LRP1: variants seen among roughly 807,000 people sequenced by gnomAD.
The protein encoded by LRP1 is LDL receptor related protein 1.
In LRP1, 51 loss-of-function variants were observed where a neutral mutation model predicts 541.5. The observed-to-expected ratio is 0.09, with a 90% CI of 0.08 to 0.12. The LOEUF (loss-of-function observed/expected upper bound fraction) is 0.12, where lower values mean the gene tolerates loss of function less well. Among genes scored for constraint, LRP1 ranks in the 10% least tolerant of loss-of-function variants. The pLI, the probability that LRP1 is intolerant of heterozygous loss-of-function variation, is 1.00. For missense variants in LRP1, 3,878 were observed against 6,376.2 expected, an observed-to-expected ratio of 0.61 and a Z score of 13.34; for synonymous variants, 2,219 against 2,470.8, an observed-to-expected ratio of 0.90 and a Z score of 3.02.
chr12:57,128,835 A>C lies in LRP1; in HGVS notation c.-130A>C. The C allele has an allele frequency of 1.3e-6, 1 of 785,568 alleles. No individual in the cohort carries two copies. The highest frequency in any genetic ancestry group is 2.8e-5 in the Admixed American group (1 of 35,474). The allele number at this position is 785,568 out of a possible 1,614,324, so 48.7% of individuals were successfully genotyped here. A position where few individuals can be genotyped will look rare whatever the true frequency, so the allele number is the denominator to read the frequency against. Reference sequence around the variant, plus strand: ...CCCACGCCCCTGGTGCGCTTTGCCGAAGGAAAGAATAAGAACAGAGAAGGA... The same window carrying C: ...CCCACGCCCCTGGTGCGCTTTGCCGCAGGAAAGAATAAGAACAGAGAAGGA... On this transcript the variant is annotated 5_prime_UTR_variant, in exon 1 of 89. Coordinates refer to ENST00000243077, the MANE Select transcript of LRP1 (RefSeq NM_002332.3).
chr12:57,177,327 C>T lies in LRP1; in HGVS notation c.4196+82C>T. 1.3e-6 allele frequency: 2 copies of T among 1,568,194 alleles called. No homozygotes were observed. The highest frequency in any genetic ancestry group is 1.7e-6 in the Non-Finnish European group (2 of 1,147,040). On this transcript the variant is annotated intron_variant, in intron 25 of 88. Transcript: ENST00000243077. The surrounding 1 kb of genome is among the most constrained non-coding windows in gnomAD (Gnocchi z 6.8). ...GCCTGGCCAGGGACACCTTACTCCT[C>T]AGTGCCATCTGCCTCCTCCCACCCT... is the stretch of plus-strand genomic sequence containing the variant.
intron 63 of LRP1, 27 bp from the exon 64 acceptor site, chr12:57,200,672 C>G: frequency 6.2e-7 from 1 of 1,602,464 alleles, no homozygotes; most frequent in South Asian, 1.1e-5. Context: ...CCCAGCCGCT[C>G]TGACTCTGAG....
intron 20 of LRP1, among the ~76,000 whole-genome samples, chr12:57,171,532 G>A (rs2035944158): frequency 6.6e-6 from 1 of 152,192 alleles, no homozygotes; most frequent in Admixed American, 6.5e-5. Context: ...GATGATGACA[G>A]CAGGTGTAAA....
intron 11 of LRP1, 139 bp from the exon 12 acceptor site, chr12:57,159,686 C>A (rs537890444): frequency 5.7e-6 from 4 of 705,614 alleles, no homozygotes; most frequent in South Asian, 5.6e-5. Flanking sequence ...CCCCACCCAT[C>A]TGTCTAGGGC....
chr12:57,202,772 CT>C, intron 68 of LRP1: 1 of 593,106 alleles, frequency 1.7e-6, no homozygotes. Context: ...AGGTAGGTGT[CT>C]CTGATGTGCC....
At chr12:57,137,117 T>C (rs933439723) in intron 1 of LRP1, among the ~76,000 whole-genome samples, 1 of 151,944 alleles carries the variant, frequency 6.6e-6, no homozygotes, top group African/African-American at 2.4e-5. Context: ...GGCGCATGCC[T>C]GTAATCCCAG....
At position 57,180,331 on chromosome 12, in the gene LRP1, C is replaced by T; in HGVS notation, c.5238C>T (p.Gly1746=). Residue 1746 remains glycine (G), a splice_region_variant and synonymous_variant, in exon 32 of 89, where the codon GGC becomes GGT. Transcript: ENST00000243077. ...LLFSGQKGPV[G]LAIDFPESKL... is the part of the protein sequence containing the mutation. ...CGGCAGTGACTCCCCCTTTTCCAGG[C>T]CTGGCTATTGACTTCCCTGAAAGCA... is the stretch of plus-strand genomic sequence containing the variant. 6.2e-7 allele frequency: 1 copy of T among 1,613,984 alleles called. No individual in the cohort carries two copies. The highest frequency in any genetic ancestry group is 8.5e-7 in the Non-Finnish European group (1 of 1,179,932).
chr12:57,203,692 A>G, intron 70 of LRP1, 171 bp downstream of exon 70: 1 of 864,378 alleles, frequency 1.2e-6, no homozygotes. Flanking sequence ...ACGTAGTAGT[A>G]AACAAGACAC....
At position 57,211,827 on chromosome 12, in the gene LRP1, G is replaced by C. The variant is rs1245339293; in HGVS notation, c.13258+13G>C. The C allele has an allele frequency of 6.2e-7, 1 of 1,612,768 alleles. No individual in the cohort carries two copies. The highest frequency in any genetic ancestry group is 8.5e-7 in the Non-Finnish European group (1 of 1,179,988). On this transcript the variant is annotated intron_variant, in intron 86 of 88. Transcript: ENST00000243077. The surrounding 1 kb of genome is among the most constrained non-coding windows in gnomAD (Gnocchi z 4.3). The stretch of plus-strand genomic sequence containing the variant: ...CAGCAGCCAGGACGTAGGTGGCAGG[G>C]GTTGGGGCAGGCAGGGCCACCGGGA...
rs577764836 is a variant in LRP1, at chr12:57,208,310, C to T, written c.12038+94C>T. 19 of 1,326,604 alleles carry T rather than the reference C, an allele frequency of 1.4e-5. No homozygotes were observed. The African/African-American group carries it at 2.8e-4, about 19-fold the overall frequency. The allele number at this position is 1,326,604 out of a possible 1,614,324, so 82.2% of individuals were successfully genotyped here. A position where few individuals can be genotyped will look rare whatever the true frequency, so the allele number is the denominator to read the frequency against. ...TGCACCCACATGCGTGCCCTTCCCTCCCAGGCCAGCCTGAGGACAGAGTCC... is the reference window on the plus strand; with the variant it reads ...TGCACCCACATGCGTGCCCTTCCCTTCCAGGCCAGCCTGAGGACAGAGTCC... On this transcript the variant is annotated intron_variant, in intron 77 of 88. Coordinates refer to ENST00000243077, the MANE Select transcript of LRP1 (RefSeq NM_002332.3).
At chr12:57,144,921 G>A (rs1259421570) in intron 4 of LRP1, 51 bp from the exon 5 acceptor site, 22 of 1,583,492 alleles carry the variant, frequency 1.4e-5, no homozygotes, top group South Asian at 2.2e-5. Flanking sequence ...CACCCACTTC[G>A]TTGCCCTTGT....
chr12:57,165,635 G>T lies in LRP1; in HGVS notation c.2531-170G>T. 4 of 636,044 alleles carry T rather than the reference G, an allele frequency of 6.3e-6. No homozygotes were observed. Among genetic ancestry groups the T allele is most frequent in the Non-Finnish European group, 1.1e-5 (4 of 370,370 alleles). The allele number at this position is 636,044 out of a possible 1,614,324, so 39.4% of individuals were successfully genotyped here. A position where few individuals can be genotyped will look rare whatever the true frequency, so the allele number is the denominator to read the frequency against. ...AACATCACTATTGTTGCTTGGGAAA[G>T]AATTGCAGTTTCCATCCAGATAATT... On this transcript the variant is annotated intron_variant, in intron 15 of 88. Transcript: ENST00000243077. This position sits in a 1 kb window ranked among gnomAD's most constrained non-coding sequence, Gnocchi z 4.5.
chr12:57,156,412 C>T lies in LRP1; in HGVS notation c.1417+129C>T, dbSNP rs2035621158. The stretch of plus-strand genomic sequence containing the variant: ...CTTCTTTCATGTCATGACCGATTCT[C>T]CTAGCCAGCCACTCGGGCTACCTGC... On this transcript the variant is annotated intron_variant, in intron 9 of 88. Coordinates refer to ENST00000243077, the MANE Select transcript of LRP1 (RefSeq NM_002332.3). This position sits in a 1 kb window ranked among gnomAD's most constrained non-coding sequence, Gnocchi z 5.2. 1.0e-6 allele frequency: 1 copy of T among 988,308 alleles called. No individual in the cohort carries two copies. The highest frequency in any genetic ancestry group is 1.6e-5 in the African/African-American group (1 of 61,160). The allele number at this position is 988,308 out of a possible 1,614,324, so 61.2% of individuals were successfully genotyped here.
intron 6 of LRP1, among the ~76,000 whole-genome samples, chr12:57,147,182 G>T (rs1726680198): frequency 1.3e-5 from 2 of 152,016 alleles, no homozygotes; most frequent in African/African-American, 4.8e-5. Flanking sequence ...TGGGGTAAAT[G>T]AGTGGGTTTC....
rs534192855 is a variant in LRP1, at chr12:57,184,520, G to A, written c.6186+68G>A. The A allele has an allele frequency of 6.3e-7, 1 of 1,598,256 alleles. No individual in the cohort carries two copies. Among genetic ancestry groups the A allele is most frequent in the East Asian group, 2.2e-5 (1 of 44,474 alleles). On this transcript the variant is annotated intron_variant, in intron 38 of 88. Coordinates refer to ENST00000243077, the MANE Select transcript of LRP1 (RefSeq NM_002332.3). This position sits in a 1 kb window ranked among gnomAD's most constrained non-coding sequence, Gnocchi z 7.8. ...GACCCAGGCTCCTGTTCCCTGTGATGAGCCCATTCTGGGAGGACTTGGAGC... is the reference window on the plus strand; with the variant it reads ...GACCCAGGCTCCTGTTCCCTGTGATAAGCCCATTCTGGGAGGACTTGGAGC...
chr12:57,183,307 T>C lies in LRP1; in HGVS notation c.5663-72T>C. 6.7e-7 allele frequency: 1 copy of C among 1,498,210 alleles called. No individual in the cohort carries two copies. The allele number at this position is 1,498,210 out of a possible 1,614,324, so 92.8% of individuals were successfully genotyped here. A position where few individuals can be genotyped will look rare whatever the true frequency, so the allele number is the denominator to read the frequency against. ...ATATCAAAGGAGAAGCAGAGAACAG[T>C]TGGAGGGTGACAGGAACCAAGTTTA... is the stretch of plus-strand genomic sequence containing the variant. On this transcript the variant is annotated intron_variant, in intron 34 of 88. Transcript: ENST00000243077. This position sits in a 1 kb window ranked among gnomAD's most constrained non-coding sequence, Gnocchi z 6.1.
Position 57,197,806 on chromosome 12 carries a change from C to A in LRP1, c.9282+142C>A. On this transcript the variant is annotated intron_variant, in intron 58 of 88. Coordinates refer to ENST00000243077, the MANE Select transcript of LRP1 (RefSeq NM_002332.3). The surrounding 1 kb of genome is among the most constrained non-coding windows in gnomAD (Gnocchi z 4.5). ...TATATGACTGCTTGTTCTAGCTGCTCACTCTCCTCTGGGCCCAGACAGCAA... is the reference window on the plus strand; with the variant it reads ...TATATGACTGCTTGTTCTAGCTGCTAACTCTCCTCTGGGCCCAGACAGCAA... The A allele has an allele frequency of 2.0e-6, 2 of 979,156 alleles. No individual in the cohort carries two copies. The highest frequency in any genetic ancestry group is 3.0e-6 in the Non-Finnish European group (2 of 675,786). The allele number at this position is 979,156 out of a possible 1,614,324, so 60.7% of individuals were successfully genotyped here. A position where few individuals can be genotyped will look rare whatever the true frequency, so the allele number is the denominator to read the frequency against.
In LRP1 at chr12:57,211,156, C is replaced by G. The variant is rs759355735; in HGVS notation, c.12917-20C>G. On this transcript the variant is annotated intron_variant, in intron 83 of 88. Coordinates refer to ENST00000243077, the MANE Select transcript of LRP1 (RefSeq NM_002332.3). The surrounding 1 kb of genome is among the most constrained non-coding windows in gnomAD (Gnocchi z 4.3). The stretch of plus-strand genomic sequence containing the variant: ...CATGAGGGTGGGGCTTGAGGCACTT[C>G]TCTCCCTCCCCAACCACAGGGCAGT... The G allele has an allele frequency of 1.9e-6, 3 of 1,611,768 alleles. No individual in the cohort carries two copies. The highest frequency in any genetic ancestry group is 1.1e-5 in the South Asian group (1 of 91,004).
At chr12:57,187,871 T>G (rs2136714623) in intron 42 of LRP1, among the ~76,000 whole-genome samples, 1 of 152,284 alleles carries the variant, frequency 6.6e-6, no homozygotes, top group East Asian at 1.9e-4. Flanking sequence ...AAGTCATACT[T>G]GTGGGAAGTA....
Sources: allele counts gnomAD v4.1 joint callset (sites outside exome capture counted in the v4.1 genomes callset), GRCh38; gene constraint gnomAD v4.1.1; non-coding constraint Gnocchi (gnomAD v3.1); transcripts MANE v1.5; gene names NCBI Gene and HGNC (gene_info 2026-07-23, HGNC 2026-07-21).